GRID2: variants seen among roughly 807,000 people sequenced by gnomAD.
The protein encoded by GRID2 is glutamate receptor ionotropic, delta-2.
A neutral mutation model predicts 114.8 loss-of-function variants in GRID2; 33 were observed. The observed-to-expected ratio is 0.29, with a 90% confidence interval of 0.22 to 0.38. The LOEUF (loss-of-function observed/expected upper bound fraction) is 0.38. GRID2 is among the 10% of genes least tolerant of loss of function. GRID2 has a pLI of 1.00. For missense variants in GRID2, 1,184 were observed against 1,257.7 expected, an observed-to-expected ratio of 0.94 and a Z score of 0.89; for synonymous variants, 505 against 449.9, an observed-to-expected ratio of 1.12 and a Z score of -1.55.
chr4:93,478,884 G>T (rs1461898197), intron 11 of GRID2, among the ~76,000 whole-genome samples: 1 of 151,980 alleles, frequency 6.6e-6, no homozygotes, highest in African/African-American at 2.4e-5. Context: ...CTAATGTCTT[G>T]TAGCCTTCTT....
At chr4:93,655,156 G>A (rs1487617314) in intron 14 of GRID2, among the ~76,000 whole-genome samples, 2 of 151,978 alleles carry the variant, frequency 1.3e-5, no homozygotes, top group African/African-American at 4.8e-5. Context: ...CCTTCCTTAG[G>A]ATTCCTCAAA....
At chr4:93,393,523 T>G (rs1765050430) in intron 8 of GRID2, among the ~76,000 whole-genome samples, 1 of 151,978 alleles carries the variant, frequency 6.6e-6, no homozygotes, top group Admixed American at 6.6e-5. Flanking sequence ...GTTAGAAGAT[T>G]AGATATATTT....
intron 14 of GRID2, among the ~76,000 whole-genome samples, chr4:93,676,910 G>A (rs1724925116): frequency 6.6e-6 from 1 of 152,082 alleles, no homozygotes. Context: ...TCACTAGGGA[G>A]TGCCAGACAG....
intron 2 of GRID2, among the ~76,000 whole-genome samples, chr4:92,757,747 C>T (rs1189703805): frequency 6.6e-6 from 1 of 151,308 alleles, no homozygotes; most frequent in African/African-American, 2.4e-5. Flanking sequence ...GCCATTGAAG[C>T]AGAATGAAAA....
chr4:92,428,972 C>T (rs896942880), intron 1 of GRID2, among the ~76,000 whole-genome samples: 3 of 151,998 alleles, frequency 2.0e-5, no homozygotes, highest in Admixed American at 1.3e-4. Context: ...CCCATCAACC[C>T]GTCATATACA....
intron 2 of GRID2, among the ~76,000 whole-genome samples, chr4:93,030,630 C>T (rs1017863713): frequency 3.3e-5 from 5 of 152,092 alleles, no homozygotes; most frequent in African/African-American, 1.2e-4. Flanking sequence ...AGCAATCCAC[C>T]CACTTTGGCC....
intron 14 of GRID2, among the ~76,000 whole-genome samples, chr4:93,676,835 T>A (rs1488486954): frequency 6.6e-6 from 1 of 151,108 alleles, no homozygotes; most frequent in Non-Finnish European, 1.5e-5. Flanking sequence ...GGTCTACAGC[T>A]CCTAGTGTGA....
At chr4:93,388,549 A>C (rs557944020) in intron 8 of GRID2, among the ~76,000 whole-genome samples, 3 of 152,316 alleles carry the variant, frequency 2.0e-5, no homozygotes, top group South Asian at 4.1e-4. Flanking sequence ...AATTCAAAGA[A>C]TGAGAGGGAA....
chr4:92,735,311 A>G (rs1560561987), intron 2 of GRID2, among the ~76,000 whole-genome samples: 1 of 152,126 alleles, frequency 6.6e-6, no homozygotes, highest in African/African-American at 2.4e-5. Flanking sequence ...TATACATAGA[A>G]GCCTAAGATA....
chr4:92,835,301 CATTA>C lies in GRID2; in HGVS notation c.244+245020_244+245023del, dbSNP rs1246350284. Among the ~76,000 whole-genome samples the C allele has an allele frequency of 2.6e-5, 4 of 151,838 alleles. No homozygotes were observed. In the East Asian group the frequency reaches 5.8e-4, roughly 22 times the overall value. Reference sequence around the variant, plus strand: ...AGATAATCTAAGCATTCTATGCATACATTAATTATTTTTGGAGGCTGCATAAGAG... The same window carrying C: ...AGATAATCTAAGCATTCTATGCATACATTATTTTTGGAGGCTGCATAAGAG... On this transcript the variant is annotated intron_variant, in intron 2 of 15. Transcript: ENST00000282020.
Position 93,169,512 on chromosome 4 carries a change from CAGAT to C in GRID2, c.736-37890_736-37887del, listed in dbSNP as rs536039286. 8.0e-4 allele frequency among the ~76,000 whole-genome samples: 121 copies of C among 152,182 alleles called. 1 individual carries two copies. Among genetic ancestry groups the C allele is most frequent in the Non-Finnish European group, 8.4e-4 (57 of 68,000 alleles). The stretch of plus-strand genomic sequence containing the variant: ...TGCTTGATATTTTCTCAGTAAGAAG[CAGAT>C]ATAGTCAATATACATAGATTGCCTA... On this transcript the variant is annotated intron_variant, in intron 4 of 15. Transcript: ENST00000282020.
intron 7 of GRID2, among the ~76,000 whole-genome samples, chr4:93,227,283 A>C (rs1745598283): frequency 6.6e-6 from 1 of 152,066 alleles, no homozygotes; most frequent in Admixed American, 6.6e-5. Context: ...GCTGGAGTGC[A>C]GTGGTGCAAT....
At chr4:93,725,481 T>C (rs919049452) in intron 14 of GRID2, among the ~76,000 whole-genome samples, 1 of 152,056 alleles carries the variant, frequency 6.6e-6, no homozygotes, top group Non-Finnish European at 1.5e-5. Flanking sequence ...TGATTTATAA[T>C]CCTTTGGGTA....
chr4:92,711,475 G>T (rs1358888272), intron 2 of GRID2, among the ~76,000 whole-genome samples: 1 of 152,196 alleles, frequency 6.6e-6, no homozygotes, highest in Non-Finnish European at 1.5e-5. Context: ...GCTACTGTCT[G>T]CTTCTAAAGG....
intron 4 of GRID2, among the ~76,000 whole-genome samples, chr4:93,127,938 T>TTGATCCCCAGG (rs1334653493): frequency 6.7e-6 from 1 of 148,282 alleles, no homozygotes; most frequent in Admixed American, 7.0e-5. Flanking sequence ...GGAGGATAGT[T>TTGATCCCCAGG]TGATCCCCAG....
chr4:92,692,897 C>A (rs993436513), intron 2 of GRID2, among the ~76,000 whole-genome samples: 2 of 151,898 alleles, frequency 1.3e-5, no homozygotes, highest in African/African-American at 2.4e-5. Flanking sequence ...GTGGTGCATG[C>A]CTGTAATCCT....
At chr4:92,630,980 C>CT (rs1435275799) in intron 2 of GRID2, among the ~76,000 whole-genome samples, 2 of 150,568 alleles carry the variant, frequency 1.3e-5, no homozygotes, top group South Asian at 2.1e-4. Context: ...CTATTTCCTT[C>CT]TTTTTTTATA....
intron 12 of GRID2, among the ~76,000 whole-genome samples, chr4:93,500,483 G>C (rs1481646435): frequency 6.6e-6 from 1 of 151,612 alleles, no homozygotes; most frequent in African/African-American, 2.4e-5. Context: ...TTGTTCCTTT[G>C]AGCTGATTCA....
intron 1 of GRID2, among the ~76,000 whole-genome samples, chr4:92,310,590 A>G (rs945115435): frequency 6.6e-6 from 1 of 152,046 alleles, no homozygotes; most frequent in Admixed American, 6.6e-5. Context: ...ACATATGGGC[A>G]ATGTTAAGGT....
Sources: allele counts gnomAD v4.1 joint callset (sites outside exome capture counted in the v4.1 genomes callset), GRCh38; gene constraint gnomAD v4.1.1; transcripts MANE v1.5; gene names NCBI Gene and HGNC (gene_info 2026-07-23, HGNC 2026-07-21).